Variants in REEP5 observed in about 807,000 individuals in gnomAD.
REEP5 encodes the protein receptor accessory protein 5.
Under a neutral mutation model 22.4 loss-of-function variants are expected in REEP5, and 24 were observed. The observed-to-expected ratio is 1.07, with a 90% CI of 0.78 to 1.51. The LOEUF (loss-of-function observed/expected upper bound fraction) is 1.51, where lower values mean the gene tolerates loss of function less well. REEP5 is among the 40% of genes most tolerant of loss of function. The probability of loss-of-function intolerance (pLI) is 0.00; values close to 1 mark genes in which losing one functional copy is unlikely to be tolerated. For missense variants in REEP5, 252 were observed against 233.0 expected (o/e 1.08, Z -0.53); for synonymous variants, 103 against 88.6 (o/e 1.16, Z -0.92).
At chr5:112,903,921 T>G (rs1475249038) in intron 2 of REEP5, among the ~76,000 whole-genome samples, 2 of 152,166 alleles carry the variant, frequency 1.3e-5, no homozygotes, top group Non-Finnish European at 2.9e-5. Context: ...ACCTCAAACT[T>G]CTGGGCTTAT....
At chr5:112,910,053 A>G (rs1769058863) in intron 2 of REEP5, among the ~76,000 whole-genome samples, 3 of 152,224 alleles carry the variant, frequency 2.0e-5, no homozygotes, top group Admixed American at 2.0e-4. Context: ...CTGTAATCGC[A>G]GCATTTTGGG....
At chr5:112,901,598 G>C (rs1768847858) in intron 3 of REEP5, among the ~76,000 whole-genome samples, 1 of 152,010 alleles carries the variant, frequency 6.6e-6, no homozygotes, top group Non-Finnish European at 1.5e-5. Flanking sequence ...TGTAATCCCA[G>C]CTACTCGGGA....
Position 112,878,781 on chromosome 5 carries a change from C to A in REEP5, c.*5G>T, listed in dbSNP as rs372080338. The A allele has an allele frequency of 2.5e-6, 4 of 1,613,986 alleles. No homozygotes were observed. In the African/African-American group the frequency reaches 5.3e-5, roughly 22 times the overall value. ...AGAGGGCAGGAAGTTTCCATCCAGT[C>A]TGGTTTAGGTGCTCTTCTTTTCTTC... is the stretch of plus-strand genomic sequence containing the variant. On this transcript the variant is annotated 3_prime_UTR_variant, in exon 5 of 5. Transcript: ENST00000379638.
At chr5:112,889,019 T>G (rs1230813036) in intron 3 of REEP5, among the ~76,000 whole-genome samples, 1 of 150,848 alleles carries the variant, frequency 6.6e-6, no homozygotes, top group Non-Finnish European at 1.5e-5. Context: ...TCGCTTGGGC[T>G]CTCATTCTTT....
chr5:112,922,012 G>A, intron 1 of REEP5, 61 bp downstream of exon 1: 1 of 1,541,642 alleles, frequency 6.5e-7, no homozygotes, highest in Admixed American at 1.9e-5. Flanking sequence ...TCCTTCCCCA[G>A]CAGCTGGGGC....
intron 3 of REEP5, among the ~76,000 whole-genome samples, chr5:112,888,999 G>A (rs1479404597): frequency 6.6e-6 from 1 of 150,918 alleles, no homozygotes; most frequent in Non-Finnish European, 1.5e-5. Context: ...TTTATAAGGA[G>A]TTTCCCCTTT....
At chr5:112,901,415 T>C (rs1768838963) in intron 3 of REEP5, among the ~76,000 whole-genome samples, 1 of 152,054 alleles carries the variant, frequency 6.6e-6, no homozygotes, top group South Asian at 2.1e-4. Flanking sequence ...GAAAATTAGA[T>C]GGTCAGATTG....
rs1767975965 is a variant in REEP5 at position 112,878,837 on chromosome 5, T to C, written c.521-2A>G. The C allele has an allele frequency of 4.3e-6, 7 of 1,613,892 alleles. No individual in the cohort carries two copies. The highest frequency in any genetic ancestry group is 5.9e-6 in the Non-Finnish European group (7 of 1,179,996). ...GTAAATTCACGGTAGCTTTCTTCGC[T>C]GTTTGTTTGTTAGGAGGGAAAGAAA... On this transcript the variant is annotated splice_acceptor_variant, in intron 4 of 4. Coordinates refer to ENST00000379638, the MANE Select transcript of REEP5 (RefSeq NM_005669.5). LOFTEE classifies it high-confidence loss of function.
At chr5:112,901,840 G>A (rs916962084) in intron 3 of REEP5, among the ~76,000 whole-genome samples, 17 of 151,980 alleles carry the variant, frequency 1.1e-4, no homozygotes, top group Non-Finnish European at 2.4e-4. Context: ...GTGGGCGCCT[G>A]TAATCCCTGC....
At chr5:112,913,107 C>A (rs1218214103) in intron 2 of REEP5, among the ~76,000 whole-genome samples, 3 of 152,138 alleles carry the variant, frequency 2.0e-5, no homozygotes, top group Non-Finnish European at 4.4e-5. Flanking sequence ...AGTTCAAGAC[C>A]AGCCTGGCCA....
chr5:112,916,051 A>G (rs1288903681), intron 2 of REEP5, among the ~76,000 whole-genome samples: 2 of 152,192 alleles, frequency 1.3e-5, no homozygotes, highest in Non-Finnish European at 2.9e-5. Flanking sequence ...CACCACGGTG[A>G]CTTTCTCAAA....
At chr5:112,886,465 T>A (rs1375774853) in intron 4 of REEP5, among the ~76,000 whole-genome samples, 1 of 152,214 alleles carries the variant, frequency 6.6e-6, no homozygotes, top group African/African-American at 2.4e-5. Context: ...ATCCCAGGCT[T>A]GTCTCTAGTT....
rs1307793177 is a variant in REEP5, at chr5:112,877,587, C to T, written c.*1199G>A. On this transcript the variant is annotated 3_prime_UTR_variant, in exon 5 of 5. Transcript: ENST00000379638. The stretch of plus-strand genomic sequence containing the variant: ...ACTACAAGTGACTCTGACTTGTAAA[C>T]TAGGGAAGCCTCTTGTGTTTGACCT... 2.0e-5 allele frequency: 3 copies of T among 152,140 alleles called. No homozygotes were observed. The highest frequency in any genetic ancestry group is 4.4e-5 in the Non-Finnish European group (3 of 68,012). 9.4% of individuals were successfully genotyped at this position (152,140 alleles called of 1,614,324 possible). A position where few individuals can be genotyped will look rare whatever the true frequency, so the allele number is the denominator to read the frequency against.
chr5:112,877,156 T>G lies in REEP5; in HGVS notation c.*1630A>C, dbSNP rs1362914325. 1 of 152,006 alleles carries G rather than the reference T, an allele frequency of 6.6e-6. No individual in the cohort carries two copies. Among genetic ancestry groups the G allele is most frequent in the African/African-American group, 2.4e-5 (1 of 41,456 alleles). The allele number at this position is 152,006 out of a possible 1,614,324, so 9.4% of individuals were successfully genotyped here. A position where few individuals can be genotyped will look rare whatever the true frequency, so the allele number is the denominator to read the frequency against. On this transcript the variant is annotated 3_prime_UTR_variant, in exon 5 of 5. Transcript: ENST00000379638. The stretch of plus-strand genomic sequence containing the variant: ...TTAATAAAATGCCGGTAATCACCAC[T>G]GTTTTCCTCCCCAAAATAAATGCTC...
intron 2 of REEP5, among the ~76,000 whole-genome samples, chr5:112,906,840 G>A (rs140897944): frequency 1.2e-4 from 19 of 152,280 alleles, no homozygotes; most frequent in African/African-American, 4.3e-4. Context: ...CCTGCCCTAC[G>A]TGTTCTAAGA....
intron 2 of REEP5, among the ~76,000 whole-genome samples, chr5:112,908,047 G>A (rs935783988): frequency 1.3e-5 from 2 of 151,638 alleles, no homozygotes; most frequent in African/African-American, 2.4e-5. Context: ...AGAAGGGGGC[G>A]GGGGAGATTT....
chr5:112,913,879 T>G (rs1284969822), intron 2 of REEP5, among the ~76,000 whole-genome samples: 2 of 151,758 alleles, frequency 1.3e-5, no homozygotes, highest in Non-Finnish European at 2.9e-5. Context: ...AAGACCCCTT[T>G]TAGCTAACAT....
chr5:112,911,189 G>A (rs188040884), intron 2 of REEP5, among the ~76,000 whole-genome samples: 9 of 152,316 alleles, frequency 5.9e-5, no homozygotes, highest in Admixed American at 2.6e-4. Flanking sequence ...ACAGGCGTGG[G>A]CGAGGAAGAT....
intron 2 of REEP5, among the ~76,000 whole-genome samples, chr5:112,911,408 CTCT>C (rs1375926288): frequency 2.0e-5 from 3 of 151,966 alleles, no homozygotes; most frequent in East Asian, 1.9e-4. Flanking sequence ...TCAAAATGTG[CTCT>C]TCTTCTTTTG....
Sources: allele counts gnomAD v4.1 joint callset (sites outside exome capture counted in the v4.1 genomes callset), GRCh38; gene constraint gnomAD v4.1.1; transcripts MANE v1.5; gene names NCBI Gene and HGNC (gene_info 2026-07-23, HGNC 2026-07-21).